B4GALT6: variants seen among roughly 807,000 people sequenced by gnomAD.
B4GALT6 encodes UDP-Gal:beta-GlcNAc beta-1,4-galactosyltransferase 6.
A neutral mutation model predicts 46.3 loss-of-function variants in B4GALT6; 14 were observed. That is an observed-to-expected ratio of 0.30 (90% CI 0.20 to 0.47). B4GALT6 has a LOEUF of 0.47. Among genes scored for constraint, B4GALT6 ranks in the 20% least tolerant of loss-of-function variants. The pLI is 0.99. For synonymous variants in B4GALT6, 168 were observed against 162.0 expected (o/e 1.04, Z -0.28); for missense variants, 386 against 480.1 (o/e 0.80, Z 1.83).
rs763481426 is a variant in B4GALT6, at chr18:31,625,667, T to C, written c.1096A>G (p.Thr366Ala). 4.3e-6 allele frequency: 7 copies of C among 1,613,634 alleles called. No individual in the cohort carries two copies. The South Asian group carries it at 7.7e-5, about 18-fold the overall frequency. ...GGCATGAGGTTTACAGATATGTTTG[T>C]ATACAACCTATCAACCAGTATTTTT... ...RPKILVDRLY[T>A]NISVNLMPEL... Residue 366 changes from threonine (T) to alanine (A), a missense_variant, in exon 9 of 9, where the codon ACA (threonine) becomes GCA (alanine). Physicochemically the swap from Thr to Ala is moderately conservative, Grantham distance 58. Around this residue, in one of 2 missense-constraint regions of B4GALT6, gnomAD observed 323 missense variants for 438.9 expected, o/e 0.74. Transcript: ENST00000306851.
chr18:31,692,576 G>T, the B4GALT6 span, among the ~76,000 whole-genome samples: 1,069 of 152,228 alleles, frequency 7.0e-3, 12 homozygotes, highest in African/African-American at 0.025. Context: ...GGGATAAAAG[G>T]ATGTGTTCTT....
At chr18:31,665,351 A>C (rs2074270463) in intron 2 of B4GALT6, among the ~76,000 whole-genome samples, 1 of 152,206 alleles carries the variant, frequency 6.6e-6, no homozygotes, top group African/African-American at 2.4e-5. Context: ...ATCTATTTAC[A>C]TCAATTCTAC....
chr18:31,704,604 G>C, the B4GALT6 span, among the ~76,000 whole-genome samples: 1 of 152,084 alleles, frequency 6.6e-6, no homozygotes, highest in Admixed American at 6.6e-5. Flanking sequence ...TCAGGTATTT[G>C]GACTTGTTTT....
intron 2 of B4GALT6, among the ~76,000 whole-genome samples, chr18:31,664,592 C>T (rs1438380092): frequency 6.8e-6 from 1 of 147,492 alleles, no homozygotes; most frequent in Admixed American, 6.8e-5. Flanking sequence ...TGTAATCATT[C>T]CTCCTAATCA....
At chr18:31,687,898 A>G (rs1307356783), upstream of B4GALT6, among the ~76,000 whole-genome samples, 2 of 152,108 alleles carry the variant, frequency 1.3e-5, no homozygotes, top group Non-Finnish European at 2.9e-5. Context: ...GTGCTGACTG[A>G]GTGAGGATGA....
rs1478718687 is a variant in B4GALT6, at chr18:31,622,633, C to T, written c.*2981G>A. ...ATTTTTCCATTTTGTTTTAAAATAT[C>T]AGTATCTTGGCTGGCAAAAGGGTAT... On this transcript the variant is annotated 3_prime_UTR_variant, in exon 9 of 9. Coordinates refer to ENST00000306851, the MANE Select transcript of B4GALT6 (RefSeq NM_004775.5). 7 of 152,086 alleles carry T rather than the reference C, an allele frequency of 4.6e-5. No homozygotes were observed. The highest frequency in any genetic ancestry group is 1.0e-4 in the Non-Finnish European group (7 of 67,882). 9.4% of individuals were successfully genotyped at this position (152,086 alleles called of 1,614,324 possible).
the B4GALT6 span, among the ~76,000 whole-genome samples, chr18:31,691,765 G>A: frequency 1.3e-5 from 2 of 152,234 alleles, no homozygotes; most frequent in East Asian, 3.9e-4. Flanking sequence ...AAGGATTTCA[G>A]TATTTCTGTG....
At chr18:31,717,912 C>A in the B4GALT6 span, among the ~76,000 whole-genome samples, 1 of 143,852 alleles carries the variant, frequency 7.0e-6, no homozygotes, top group Non-Finnish European at 1.5e-5. Context: ...CGAGATCGTG[C>A]CATTGCACTC....
Position 31,625,714 on chromosome 18 carries a change from A to G in B4GALT6, c.1049T>C (p.Leu350Pro). The G allele has an allele frequency of 3.7e-6, 6 of 1,613,136 alleles. No individual in the cohort carries two copies. Among genetic ancestry groups the G allele is most frequent in the Non-Finnish European group, 5.1e-6 (6 of 1,179,622 alleles). Residue 350 changes from leucine (L) to proline (P), a missense_variant, in exon 9 of 9, where the codon CTG becomes CCG. This residue lies in a region of B4GALT6 where 323 missense variants were observed against 438.9 expected (regional missense o/e 0.74). Coordinates refer to ENST00000306851, the MANE Select transcript of B4GALT6 (RefSeq NM_004775.5). Reference sequence around the variant, plus strand: ...TTTTGGCCTATATATTAAATTGTTCAGTCCATCGATGTACTGACGCTCCTT... The same window carrying G: ...TTTTGGCCTATATATTAAATTGTTCGGTCCATCGATGTACTGACGCTCCTT... Reference protein sequence around the residue: ...YSKERQYIDGLNNLIYRPKIL... With the variant: ...YSKERQYIDGPNNLIYRPKIL...
upstream of B4GALT6, among the ~76,000 whole-genome samples, chr18:31,687,895 CTGAG>C (rs559987575): frequency 2.2e-4 from 33 of 152,214 alleles, no homozygotes; most frequent in East Asian, 5.8e-4. Flanking sequence ...TCTGTGCTGA[CTGAG>C]TGAGGATGAA....
At chr18:31,697,161 A>C in the B4GALT6 span, among the ~76,000 whole-genome samples, 1 of 152,102 alleles carries the variant, frequency 6.6e-6, no homozygotes, top group Non-Finnish European at 1.5e-5. Flanking sequence ...AGTCCCAACT[A>C]CTCAGAAGGC....
chr18:31,648,986 A>G (rs180770605), intron 3 of B4GALT6, among the ~76,000 whole-genome samples: 5 of 152,316 alleles, frequency 3.3e-5, no homozygotes, highest in Admixed American at 2.6e-4. Flanking sequence ...AGAGCTGATG[A>G]CAGTGTCAGA....
Position 31,626,998 on chromosome 18 carries a change from C to T in B4GALT6, c.899+1G>A. 2 of 1,606,266 alleles carry T rather than the reference C, an allele frequency of 1.2e-6. No homozygotes were observed. Among genetic ancestry groups the T allele is most frequent in the Non-Finnish European group, 1.7e-6 (2 of 1,177,500 alleles). On this transcript the variant is annotated splice_donor_variant, in intron 7 of 8. Coordinates refer to ENST00000306851, the MANE Select transcript of B4GALT6 (RefSeq NM_004775.5). LOFTEE classifies it high-confidence loss of function. ...AGTGAACAATTTGTACCTCAACATA[C>T]CTGTTCCAAAGGTCATCATCTTCTC...
intron 5 of B4GALT6, among the ~76,000 whole-genome samples, chr18:31,635,260 A>AT (rs2073843912): frequency 6.6e-6 from 1 of 151,764 alleles, no homozygotes; most frequent in East Asian, 1.9e-4. Context: ...AAAAAAAAAA[A>AT]CCAGAGACAG....
intron 2 of B4GALT6, among the ~76,000 whole-genome samples, chr18:31,659,944 TTTTCC>T (rs1473254812): frequency 1.8e-4 from 26 of 147,880 alleles, no homozygotes; most frequent in Admixed American, 1.5e-3. Context: ...GTTCTGATTC[TTTTCC>T]TTTTTTTTTT....
chr18:31,718,222 C>A, the B4GALT6 span, among the ~76,000 whole-genome samples: 1 of 152,168 alleles, frequency 6.6e-6, no homozygotes, highest in Non-Finnish European at 1.5e-5. Flanking sequence ...TTGGCAATGT[C>A]TGGAGATATT....
the B4GALT6 span, among the ~76,000 whole-genome samples, chr18:31,692,731 G>C: frequency 6.6e-6 from 1 of 152,152 alleles, no homozygotes; most frequent in African/African-American, 2.4e-5. Context: ...GTAAGGGAAA[G>C]AAAGTTATAA....
chr18:31,671,071 C>G (rs1179372088), intron 1 of B4GALT6, among the ~76,000 whole-genome samples: 1 of 152,158 alleles, frequency 6.6e-6, no homozygotes, highest in East Asian at 1.9e-4. Flanking sequence ...CTGCAAAGGA[C>G]GTGAACTCAT....
chr18:31,724,299 C>T, the B4GALT6 span: 1 of 477,356 alleles, frequency 2.1e-6, no homozygotes, highest in Non-Finnish European at 3.4e-6. Flanking sequence ...ACGGGCCCCT[C>T]CTCACATGGC....
Sources: gnomAD v4.1 joint callset for allele counts (sites outside exome capture counted in the v4.1 genomes callset) on GRCh38, gnomAD v4.1.1 for gene constraint, gnomAD v4.1.1 regional missense constraint, MANE v1.5 for transcripts, NCBI Gene and HGNC (gene_info 2026-07-23, HGNC 2026-07-21) for gene names.